Variants in LSAMP observed in about 807,000 individuals in gnomAD.
LSAMP encodes limbic system-associated membrane protein.
Under a neutral mutation model 38.6 loss-of-function variants are expected in LSAMP, and 7 were observed. That is an observed-to-expected ratio of 0.18 (90% CI 0.10 to 0.34). The LOEUF is 0.34. LSAMP is among the 10% of genes least tolerant of loss of function. LSAMP has a pLI of 1.00. For missense variants in LSAMP, 313 were observed against 420.0 expected (o/e 0.75, Z 2.23); for synonymous variants, 154 against 166.8 (o/e 0.92, Z 0.59).
At chr3:115,899,132 C>A (rs912924800) in intron 3 of LSAMP, among the ~76,000 whole-genome samples, 2 of 152,056 alleles carry the variant, frequency 1.3e-5, no homozygotes, top group Non-Finnish European at 2.9e-5. Context: ...CTAAGGCAGC[C>A]AATCTGAAAC....
chr3:116,003,960 C>T (rs977969571), intron 3 of LSAMP, among the ~76,000 whole-genome samples: 1 of 152,026 alleles, frequency 6.6e-6, no homozygotes, highest in Non-Finnish European at 1.5e-5. Context: ...TTGTGGCAGC[C>T]CTAGCAAACT....
intron 1 of LSAMP, among the ~76,000 whole-genome samples, chr3:116,417,918 C>T (rs1420015426): frequency 6.6e-6 from 1 of 152,082 alleles, no homozygotes. Context: ...AAGGCCTGCA[C>T]CCTTTTACAC....
intron 3 of LSAMP, among the ~76,000 whole-genome samples, chr3:116,002,028 G>A (rs964170546): frequency 1.6e-4 from 24 of 151,868 alleles, no homozygotes; most frequent in African/African-American, 5.6e-4. Context: ...TTTTCTCTTT[G>A]ACTTTAACTT....
At chr3:116,245,495 A>G (rs1252018294) in intron 1 of LSAMP, among the ~76,000 whole-genome samples, 2 of 152,200 alleles carry the variant, frequency 1.3e-5, no homozygotes, top group Admixed American at 1.3e-4. Context: ...AATTTGGTGC[A>G]TATCTTACTC....
chr3:115,905,637 A>G (rs562620498), intron 3 of LSAMP, among the ~76,000 whole-genome samples: 1 of 152,266 alleles, frequency 6.6e-6, no homozygotes, highest in East Asian at 1.9e-4. Flanking sequence ...AAGAATTATT[A>G]AAGTCACAGG....
chr3:116,297,506 C>T (rs1321602916), intron 1 of LSAMP, among the ~76,000 whole-genome samples: 1 of 151,790 alleles, frequency 6.6e-6, no homozygotes, highest in Non-Finnish European at 1.5e-5. Context: ...GACATTTTTT[C>T]TTGTACAGGT....
intron 1 of LSAMP, among the ~76,000 whole-genome samples, chr3:116,142,836 G>A (rs1365861374): frequency 6.6e-6 from 1 of 151,788 alleles, no homozygotes; most frequent in Non-Finnish European, 1.5e-5. Context: ...GATTGAAGGT[G>A]ATATCAGCCC....
chr3:115,975,305 A>C (rs1939152733), intron 3 of LSAMP, among the ~76,000 whole-genome samples: 1 of 152,134 alleles, frequency 6.6e-6, no homozygotes, highest in South Asian at 2.1e-4. Flanking sequence ...AAAACAAAAC[A>C]TGAGAGACAT....
intron 1 of LSAMP, among the ~76,000 whole-genome samples, chr3:116,337,705 A>G (rs2047939566): frequency 6.6e-6 from 1 of 151,828 alleles, no homozygotes; most frequent in Non-Finnish European, 1.5e-5. Flanking sequence ...GACAGAGAAA[A>G]GGTAGGTGCA....
chr3:116,277,833 CT>C (rs1175688688), intron 1 of LSAMP, among the ~76,000 whole-genome samples: 3 of 152,144 alleles, frequency 2.0e-5, no homozygotes, highest in African/African-American at 7.2e-5. Context: ...GAGACTCAGC[CT>C]GCTCTTATTT....
intron 1 of LSAMP, among the ~76,000 whole-genome samples, chr3:116,160,419 G>T (rs925291757): frequency 1.2e-4 from 18 of 149,588 alleles, no homozygotes; most frequent in Admixed American, 2.7e-4. Flanking sequence ...AGAGAGAGAG[G>T]GAGGGAGGGA....
At chr3:115,884,502 T>C (rs1936401260) in intron 3 of LSAMP, among the ~76,000 whole-genome samples, 2 of 152,078 alleles carry the variant, frequency 1.3e-5, no homozygotes, top group Non-Finnish European at 2.9e-5. Context: ...TGCTGTTGGA[T>C]TGGCAATTAG....
At chr3:116,356,317 C>G in intron 1 of LSAMP, among the ~76,000 whole-genome samples, 1 of 152,080 alleles carries the variant, frequency 6.6e-6, no homozygotes, top group Non-Finnish European at 1.5e-5. Context: ...TGAAGTAAGC[C>G]AGGCACAGAA....
intron 1 of LSAMP, among the ~76,000 whole-genome samples, chr3:116,127,784 TAATG>T (rs1709040255): frequency 6.6e-6 from 1 of 150,466 alleles, no homozygotes; most frequent in Non-Finnish European, 1.5e-5. Flanking sequence ...CTTTTTTTAA[TAATG>T]GGAATATTAA....
At chr3:115,935,160 G>T (rs796703257) in intron 3 of LSAMP, among the ~76,000 whole-genome samples, 3 of 152,138 alleles carry the variant, frequency 2.0e-5, no homozygotes, top group African/African-American at 7.2e-5. Context: ...GAAAGAAAAA[G>T]GTAACTCAAG....
chr3:116,346,717 T>A (rs888628678), intron 1 of LSAMP, among the ~76,000 whole-genome samples: 1 of 152,238 alleles, frequency 6.6e-6, no homozygotes, highest in African/African-American at 2.4e-5. Flanking sequence ...AGGGGCTGTA[T>A]GTGTCGACAC....
At chr3:116,430,904 A>G (rs2049271747) in intron 1 of LSAMP, among the ~76,000 whole-genome samples, 1 of 151,920 alleles carries the variant, frequency 6.6e-6, no homozygotes, top group Non-Finnish European at 1.5e-5. Flanking sequence ...ATAAACTACC[A>G]TATTTTTTCT....
intron 3 of LSAMP, among the ~76,000 whole-genome samples, chr3:115,926,654 C>T (rs939206376): frequency 7.9e-5 from 12 of 152,096 alleles, no homozygotes; most frequent in African/African-American, 2.4e-4. Context: ...AGGATGCAGA[C>T]GTGCATCAGG....
intron 1 of LSAMP, among the ~76,000 whole-genome samples, chr3:116,175,171 AT>A (rs1710306601): frequency 6.6e-6 from 1 of 152,066 alleles, no homozygotes. Context: ...AGGTTAAACT[AT>A]TCAAAATATT....
Sources: allele counts gnomAD v4.1 joint callset (sites outside exome capture counted in the v4.1 genomes callset), GRCh38; gene constraint gnomAD v4.1.1; transcripts MANE v1.5; gene names NCBI Gene and HGNC (gene_info 2026-07-23, HGNC 2026-07-21).